The following ZNF704 variants were observed in gnomAD, a reference collection of about 807,000 sequenced individuals.
ZNF704 encodes the protein zinc finger protein 704, also known as glucocorticoid induced gene 1.
Under a neutral mutation model 44.7 loss-of-function variants are expected in ZNF704, and 10 were observed. The ratio of observed to expected loss-of-function variants is 0.22; its 90% CI spans 0.14 to 0.38. ZNF704 has a LOEUF of 0.38. Among genes scored for constraint, ZNF704 ranks in the 10% least tolerant of loss-of-function variants. ZNF704 has a pLI of 1.00. For synonymous variants in ZNF704, 211 were observed against 207.6 expected, an observed-to-expected ratio of 1.02 and a Z score of -0.14; for missense variants, 390 against 545.5, an observed-to-expected ratio of 0.71 and a Z score of 2.84.
chr8:80,769,351 C>T (rs1183133225), intron 2 of ZNF704, among the ~76,000 whole-genome samples: 1 of 152,108 alleles, frequency 6.6e-6, no homozygotes, highest in Non-Finnish European at 1.5e-5. Context: ...CCAGTTTCTC[C>T]CAATGGTAAC....
At chr8:80,815,815 T>A (rs536257959) in intron 2 of ZNF704, among the ~76,000 whole-genome samples, 1 of 152,346 alleles carries the variant, frequency 6.6e-6, no homozygotes, top group Non-Finnish European at 1.5e-5. Context: ...GCCTCATGGC[T>A]GAATTTGCTT....
At chr8:80,669,463 T>A (rs914423949) in intron 5 of ZNF704, among the ~76,000 whole-genome samples, 2 of 152,202 alleles carry the variant, frequency 1.3e-5, no homozygotes, top group African/African-American at 4.8e-5. Context: ...GGCTCTGGTG[T>A]GTCCCCAAAC....
intron 2 of ZNF704, among the ~76,000 whole-genome samples, chr8:80,818,480 C>T (rs1808213203): frequency 6.6e-6 from 1 of 152,080 alleles, no homozygotes; most frequent in African/African-American, 2.4e-5. Context: ...TTAAATATAA[C>T]CTAGCACATC....
rs183692061 is a variant in ZNF704 at position 80,770,276 on chromosome 8, T to C, written c.221+51098A>G. 6.0e-4 allele frequency among the ~76,000 whole-genome samples: 91 copies of C among 152,312 alleles called. 1 individual carries two copies. The highest frequency in any genetic ancestry group is 8.8e-5 in the Non-Finnish European group (6 of 68,024). ...ATATAGTCAAGAGAGAACACTTCTA[T>C]TATGAGGATTCCTCACGATGTCCTA... On this transcript the variant is annotated intron_variant, in intron 2 of 8. Coordinates refer to ENST00000327835, the MANE Select transcript of ZNF704 (RefSeq NM_001033723.3).
At chr8:80,786,833 G>C (rs2129730350) in intron 2 of ZNF704, among the ~76,000 whole-genome samples, 1 of 152,250 alleles carries the variant, frequency 6.6e-6, no homozygotes, top group Middle Eastern at 3.4e-3. Flanking sequence ...AATAAGAGCT[G>C]TTTTAAAATA....
At chr8:80,644,582 G>A (rs1410965227) in intron 7 of ZNF704, among the ~76,000 whole-genome samples, 3 of 151,858 alleles carry the variant, frequency 2.0e-5, no homozygotes, top group Admixed American at 6.6e-5. Context: ...ACAACACCCG[G>A]CAGGAAAAAA....
intron 2 of ZNF704, among the ~76,000 whole-genome samples, chr8:80,712,408 CTA>C: frequency 6.6e-6 from 1 of 152,198 alleles, no homozygotes; most frequent in African/African-American, 2.4e-5. Context: ...ATCTTATAGA[CTA>C]TTTTTTTTAA....
At chr8:80,739,394 T>G (rs923562774) in intron 2 of ZNF704, among the ~76,000 whole-genome samples, 21 of 152,090 alleles carry the variant, frequency 1.4e-4, no homozygotes, top group Non-Finnish European at 2.6e-4. Flanking sequence ...CTCCTATTTC[T>G]CCTCCCCTTC....
intron 1 of ZNF704, among the ~76,000 whole-genome samples, chr8:80,870,508 T>C (rs912795453): frequency 6.6e-6 from 1 of 152,202 alleles, no homozygotes; most frequent in Non-Finnish European, 1.5e-5. Flanking sequence ...CATCTCTCTC[T>C]CTCTTTCTTA....
chr8:80,696,185 T>C (rs918575544), intron 2 of ZNF704, among the ~76,000 whole-genome samples: 6 of 152,204 alleles, frequency 3.9e-5, no homozygotes, highest in Admixed American at 6.5e-5. Context: ...TTGGAGTTAT[T>C]GATAAAAAAC....
chr8:80,775,518 T>C (rs922592261), intron 2 of ZNF704, among the ~76,000 whole-genome samples: 1 of 152,198 alleles, frequency 6.6e-6, no homozygotes, highest in African/African-American at 2.4e-5. Context: ...TCAGTGTGTA[T>C]GGAGCAGACT....
At chr8:80,713,288 T>C (rs1357946891) in intron 2 of ZNF704, among the ~76,000 whole-genome samples, 3 of 152,262 alleles carry the variant, frequency 2.0e-5, no homozygotes, top group African/African-American at 7.2e-5. Context: ...ACTGTTGACG[T>C]GTTACTGAGT....
chr8:80,825,750 C>A (rs1808360232), intron 1 of ZNF704, among the ~76,000 whole-genome samples: 1 of 152,140 alleles, frequency 6.6e-6, no homozygotes, highest in African/African-American at 2.4e-5. Flanking sequence ...TGCAATCAAA[C>A]TAGAACTCAG....
At chr8:80,776,987 C>T (rs1427482759) in intron 2 of ZNF704, 1 of 152,108 alleles carries the variant, frequency 6.6e-6, no homozygotes, top group Non-Finnish European at 1.5e-5. Flanking sequence ...GTGATTTGTT[C>T]AGTTTATTCT....
chr8:80,740,251 T>C (rs971879477), intron 2 of ZNF704, among the ~76,000 whole-genome samples: 2 of 152,152 alleles, frequency 1.3e-5, no homozygotes, highest in Non-Finnish European at 2.9e-5. Context: ...GCAGGGGCCA[T>C]TATACACCTG....
In ZNF704 at chr8:80,630,408, T is replaced by C. The variant is rs922504391; in HGVS notation, c.*10958A>G. On this transcript the variant is annotated 3_prime_UTR_variant, in exon 9 of 9. Transcript: ENST00000327835. ...TTCTCTTCATTCTTTCTCCTTTACT[T>C]GTTTAGCAGGCACTAAAAAGCAATG... 4 of 152,244 alleles carry C rather than the reference T, an allele frequency of 2.6e-5. No individual in the cohort carries two copies. Among genetic ancestry groups the C allele is most frequent in the Non-Finnish European group, 1.5e-5 (1 of 68,038 alleles). The allele number at this position is 152,244 out of a possible 1,614,324, so 9.4% of individuals were successfully genotyped here. A position where few individuals can be genotyped will look rare whatever the true frequency, so the allele number is the denominator to read the frequency against.
At chr8:80,871,695 A>T (rs186892340) in intron 1 of ZNF704, among the ~76,000 whole-genome samples, 1 of 152,390 alleles carries the variant, frequency 6.6e-6, no homozygotes, top group East Asian at 1.9e-4. Flanking sequence ...TGTTGAATAA[A>T]TGAATGCATG....
At chr8:80,725,464 A>G (rs1029785773) in intron 2 of ZNF704, among the ~76,000 whole-genome samples, 1 of 152,242 alleles carries the variant, frequency 6.6e-6, no homozygotes, top group Admixed American at 6.5e-5. Flanking sequence ...ATATGGAATT[A>G]AGAACAAGAA....
chr8:80,666,748 C>T (rs1283115490), intron 5 of ZNF704, among the ~76,000 whole-genome samples: 1 of 150,568 alleles, frequency 6.6e-6, no homozygotes, highest in Non-Finnish European at 1.5e-5. Context: ...TGTTTTTTGG[C>T]TGCATAAATG....
Sources: gnomAD v4.1 joint callset for allele counts (sites outside exome capture counted in the v4.1 genomes callset) on GRCh38, gnomAD v4.1.1 for gene constraint, MANE v1.5 for transcripts, NCBI Gene and HGNC (gene_info 2026-07-23, HGNC 2026-07-21) for gene names.